LRMDA: variants seen among roughly 807,000 people sequenced by gnomAD.
The protein encoded by LRMDA is leucine-rich melanocyte differentiation-associated protein.
Under a neutral mutation model 29.8 loss-of-function variants are expected in LRMDA, and 18 were observed. The observed-to-expected ratio is 0.60, with a 90% CI of 0.42 to 0.90. The LOEUF is 0.90. Ranked by LOEUF, LRMDA falls within the 40% of genes least tolerant of loss-of-function variation. The pLI, the probability that LRMDA is intolerant of heterozygous loss-of-function variation, is 0.00. For synonymous variants in LRMDA, 125 were observed against 109.4 expected, an observed-to-expected ratio of 1.14 and a Z score of -0.89; for missense variants, 273 against 273.9, an observed-to-expected ratio of 1.00 and a Z score of 0.02.
At chr10:76,072,375 C>T (rs570176580) in intron 5 of LRMDA, among the ~76,000 whole-genome samples, 1 of 152,184 alleles carries the variant, frequency 6.6e-6, no homozygotes, top group Admixed American at 6.5e-5. Context: ...TAATGCCTGG[C>T]AGGCAGTTCT....
intron 5 of LRMDA, among the ~76,000 whole-genome samples, chr10:76,086,094 A>G (rs937929366): frequency 6.6e-6 from 1 of 152,202 alleles, no homozygotes; most frequent in Admixed American, 6.5e-5. Context: ...GGACCAGTGA[A>G]CACATATTCT....
chr10:76,328,233 A>T (rs1382263950), intron 6 of LRMDA, among the ~76,000 whole-genome samples: 1 of 152,174 alleles, frequency 6.6e-6, no homozygotes, highest in Non-Finnish European at 1.5e-5. Flanking sequence ...TCTGTTGGAG[A>T]AATGTCCCTT....
At chr10:75,758,143 G>A (rs879154918) in intron 2 of LRMDA, among the ~76,000 whole-genome samples, 1 of 152,170 alleles carries the variant, frequency 6.6e-6, no homozygotes, top group South Asian at 2.1e-4. Context: ...CAGGTGAACC[G>A]TAAGAGGGAC....
chr10:76,050,945 C>T (rs1848521040), intron 4 of LRMDA, among the ~76,000 whole-genome samples: 1 of 152,178 alleles, frequency 6.6e-6, no homozygotes, highest in African/African-American at 2.4e-5. Context: ...TCGTTCATCC[C>T]CTCCTGCCAC....
chr10:76,384,365 G>A (rs893755066), intron 6 of LRMDA, among the ~76,000 whole-genome samples: 17 of 152,038 alleles, frequency 1.1e-4, no homozygotes, highest in African/African-American at 3.9e-4. Context: ...GAGAAGTTTC[G>A]GCCAGGGAAA....
chr10:76,129,503 T>C (rs7920191), intron 5 of LRMDA, among the ~76,000 whole-genome samples: 107,707 of 152,092 alleles, frequency 0.71, 38,920 homozygotes, highest in African/African-American at 0.86. Flanking sequence ...CCTTCTTGGG[T>C]GTAGGGTACT....
chr10:75,494,182 C>T (rs1336346708), intron 2 of LRMDA, among the ~76,000 whole-genome samples: 6 of 152,154 alleles, frequency 3.9e-5, no homozygotes, highest in Non-Finnish European at 4.4e-5. Context: ...TGTTTCTTTC[C>T]GCCTAATGCT....
intron 6 of LRMDA, among the ~76,000 whole-genome samples, chr10:76,349,659 G>A (rs1841151177): frequency 6.6e-6 from 1 of 152,018 alleles, no homozygotes; most frequent in Non-Finnish European, 1.5e-5. Flanking sequence ...AATACATTTT[G>A]TACTCAGTGG....
At chr10:76,224,016 T>C (rs1441219430) in intron 5 of LRMDA, among the ~76,000 whole-genome samples, 1 of 152,152 alleles carries the variant, frequency 6.6e-6, no homozygotes, top group Non-Finnish European at 1.5e-5. Flanking sequence ...CCCCAGGTAT[T>C]CCTTATGTCT....
chr10:75,621,074 G>A (rs922484097), intron 2 of LRMDA, among the ~76,000 whole-genome samples: 1 of 152,156 alleles, frequency 6.6e-6, no homozygotes, highest in African/African-American at 2.4e-5. Context: ...ACATATGAGT[G>A]AGAACATACG....
chr10:75,648,508 C>T (rs1186404774), intron 2 of LRMDA, among the ~76,000 whole-genome samples: 1 of 152,118 alleles, frequency 6.6e-6, no homozygotes, highest in Non-Finnish European at 1.5e-5. Context: ...TTTTGTGCTG[C>T]TCCACATATG....
intron 2 of LRMDA, among the ~76,000 whole-genome samples, chr10:75,569,829 G>C (rs892717389): frequency 6.6e-5 from 10 of 152,232 alleles, no homozygotes; most frequent in Non-Finnish European, 1.0e-4. Flanking sequence ...GAGGTGAGCT[G>C]TGCTCAGCTT....
chr10:76,383,171 G>A lies in LRMDA; in HGVS notation c.601+58686G>A, dbSNP rs533955268. 3.9e-5 allele frequency among the ~76,000 whole-genome samples: 6 copies of A among 152,288 alleles called. No homozygotes were observed. In the East Asian group the frequency reaches 1.2e-3, roughly 30 times the overall value. ...AGGCCCAGTGACAAATACATGATCT[G>A]AAGACAGCGGGCATTACTATGAAGA... On this transcript the variant is annotated intron_variant, in intron 6 of 6. Coordinates refer to ENST00000611255, the MANE Select transcript of LRMDA (RefSeq NM_001305581.2).
chr10:76,052,448 A>T (rs1450960316), intron 4 of LRMDA, among the ~76,000 whole-genome samples: 3 of 151,632 alleles, frequency 2.0e-5, no homozygotes, highest in Non-Finnish European at 4.4e-5. Context: ...GGGAGCAGCC[A>T]TTGCCCTGGG....
intron 2 of LRMDA, among the ~76,000 whole-genome samples, chr10:75,725,270 C>T (rs190823530): frequency 9.9e-5 from 15 of 152,228 alleles, no homozygotes; most frequent in African/African-American, 3.6e-4. Flanking sequence ...TGTAATCCAC[C>T]GGTTATTTTC....
chr10:75,975,378 C>T (rs1847052081), intron 2 of LRMDA, among the ~76,000 whole-genome samples: 1 of 152,182 alleles, frequency 6.6e-6, no homozygotes, highest in African/African-American at 2.4e-5. Flanking sequence ...TCCCATTCTC[C>T]CTTCAGCACC....
intron 5 of LRMDA, among the ~76,000 whole-genome samples, chr10:76,196,005 T>A (rs1432683936): frequency 6.6e-6 from 1 of 152,196 alleles, no homozygotes; most frequent in South Asian, 2.1e-4. Context: ...AGATCCTTCA[T>A]TTGCATGAAA....
At position 75,878,929 on chromosome 10, in the gene LRMDA, A is replaced by G. The variant is rs561515347; in HGVS notation, c.132-157079A>G. ...TTCTATGCAGTGGGTGCGTTCCTTA[A>G]TTCCCAGCTCCAGGAGCACCCTCCT... On this transcript the variant is annotated intron_variant, in intron 2 of 6. Transcript: ENST00000611255. Among the ~76,000 whole-genome samples, 15 of 152,118 alleles carry G rather than the reference A, an allele frequency of 9.9e-5. No individual in the cohort carries two copies. The East Asian group carries it at 2.9e-3, about 29-fold the overall frequency.
chr10:76,407,913 T>G, intron 6 of LRMDA, among the ~76,000 whole-genome samples: 1 of 152,200 alleles, frequency 6.6e-6, no homozygotes, highest in Non-Finnish European at 1.5e-5. Flanking sequence ...GAGTTTTAGA[T>G]TATCAGAGCT....
Sources: allele counts gnomAD v4.1 joint callset (sites outside exome capture counted in the v4.1 genomes callset), GRCh38; gene constraint gnomAD v4.1.1; transcripts MANE v1.5; gene names NCBI Gene and HGNC (gene_info 2026-07-23, HGNC 2026-07-21).